ASIC2: variants seen among roughly 807,000 people sequenced by gnomAD.
ASIC2 encodes the protein acid-sensing ion channel 2.
A neutral mutation model predicts 57.3 loss-of-function variants in ASIC2; 25 were observed. That is an observed-to-expected ratio of 0.44 (90% CI 0.32 to 0.61). The LOEUF (loss-of-function observed/expected upper bound fraction) is 0.61. Among genes scored for constraint, ASIC2 ranks in the 20% least tolerant of loss-of-function variants. ASIC2 has a pLI of 0.06. For missense variants in ASIC2, 641 were observed against 738.1 expected, an observed-to-expected ratio of 0.87 and a Z score of 1.52; for synonymous variants, 319 against 307.5, an observed-to-expected ratio of 1.04 and a Z score of -0.39.
intron 1 of ASIC2, among the ~76,000 whole-genome samples, chr17:34,021,878 C>G (rs563522733): frequency 8.4e-5 from 12 of 143,372 alleles, no homozygotes; most frequent in South Asian, 2.3e-4. Context: ...AGCTCTGTCA[C>G]CCGGGCTGGA....
chr17:33,510,647 A>G (rs1459406719), intron 1 of ASIC2, among the ~76,000 whole-genome samples: 1 of 152,110 alleles, frequency 6.6e-6, no homozygotes, highest in Non-Finnish European at 1.5e-5. Flanking sequence ...AAAACTAAAC[A>G]TTAAATTTTT....
At chr17:33,464,476 TTTTCTCTCTTTCTTTC>T (rs1377881363) in intron 1 of ASIC2, among the ~76,000 whole-genome samples, 88 of 71,952 alleles carry the variant, frequency 1.2e-3, no homozygotes, top group East Asian at 5.6e-3. Context: ...TCTTTCTTTC[TTTTCTCTCTTTCTTTC>T]TTTCTTTCTT....
chr17:34,037,016 C>A (rs924843833), intron 1 of ASIC2: 11 of 152,532 alleles, frequency 7.2e-5, no homozygotes, highest in African/African-American at 2.2e-4. Context: ...CAAATGTATT[C>A]TTTCAAAAAT....
At chr17:33,772,289 A>G (rs1911136194) in intron 1 of ASIC2, among the ~76,000 whole-genome samples, 2 of 152,236 alleles carry the variant, frequency 1.3e-5, no homozygotes, top group Admixed American at 6.5e-5. Flanking sequence ...GGAAGAATCT[A>G]GACAGGCCAG....
chr17:33,220,914 A>G (rs1907664734), intron 1 of ASIC2, among the ~76,000 whole-genome samples: 1 of 152,138 alleles, frequency 6.6e-6, no homozygotes, highest in Admixed American at 6.5e-5. Flanking sequence ...AAAACAAAAA[A>G]TTCAAAAATT....
At chr17:34,041,875 C>A (rs1198923133) in intron 1 of ASIC2, among the ~76,000 whole-genome samples, 1 of 152,164 alleles carries the variant, frequency 6.6e-6, no homozygotes. Context: ...CTGTGGAGTA[C>A]CCTTTAGTAA....
chr17:33,091,407 A>T (rs569671866), intron 2 of ASIC2, among the ~76,000 whole-genome samples: 1 of 152,278 alleles, frequency 6.6e-6, no homozygotes, highest in African/African-American at 2.4e-5. Flanking sequence ...GTGGGAGGGA[A>T]CAGGAGAGAT....
At chr17:33,898,428 G>A (rs1915157608) in intron 1 of ASIC2, among the ~76,000 whole-genome samples, 1 of 151,436 alleles carries the variant, frequency 6.6e-6, no homozygotes, top group Non-Finnish European at 1.5e-5. Flanking sequence ...AGTAGAGACG[G>A]GGTTTCACCA....
At chr17:33,536,087 C>A (rs1369448367) in intron 1 of ASIC2, among the ~76,000 whole-genome samples, 1 of 152,164 alleles carries the variant, frequency 6.6e-6, no homozygotes, top group Non-Finnish European at 1.5e-5. Flanking sequence ...ATTCCCTAGC[C>A]CAAGAGCAAA....
chr17:33,216,953 G>C (rs936942000), intron 1 of ASIC2, among the ~76,000 whole-genome samples: 2 of 152,118 alleles, frequency 1.3e-5, no homozygotes, highest in Admixed American at 6.5e-5. Context: ...AGTTGGGAGG[G>C]AGATTTAGGT....
intron 1 of ASIC2, among the ~76,000 whole-genome samples, chr17:33,831,599 AT>A (rs1301655882): frequency 6.7e-6 from 1 of 148,206 alleles, no homozygotes; most frequent in Non-Finnish European, 1.5e-5. Flanking sequence ...AAAAAAAAAA[AT>A]AGAGTCCTGC....
At chr17:34,152,384 A>G (rs1904559899) in intron 1 of ASIC2, among the ~76,000 whole-genome samples, 1 of 152,188 alleles carries the variant, frequency 6.6e-6, no homozygotes, top group Non-Finnish European at 1.5e-5. Flanking sequence ...TCCTGGACAC[A>G]AGCAGTAGGG....
chr17:33,959,307 C>T (rs1384172786), intron 1 of ASIC2, among the ~76,000 whole-genome samples: 1 of 152,190 alleles, frequency 6.6e-6, no homozygotes, highest in African/African-American at 2.4e-5. Context: ...TTTACAGTAG[C>T]ACCCTACTCC....
chr17:33,845,823 T>A (rs1331900841), intron 1 of ASIC2, among the ~76,000 whole-genome samples: 1 of 152,180 alleles, frequency 6.6e-6, no homozygotes, highest in Non-Finnish European at 1.5e-5. Flanking sequence ...AAGAGGTGTT[T>A]ATAAATACCT....
intron 1 of ASIC2, among the ~76,000 whole-genome samples, chr17:33,586,875 C>A (rs1206913291): frequency 3.9e-5 from 6 of 152,240 alleles, no homozygotes; most frequent in Admixed American, 3.9e-4. Context: ...TTATACACCT[C>A]TCTGAGCAGT....
intron 1 of ASIC2, among the ~76,000 whole-genome samples, chr17:33,414,593 C>G (rs577060488): frequency 2.6e-5 from 4 of 152,148 alleles, no homozygotes; most frequent in African/African-American, 7.2e-5. Flanking sequence ...TCTCAGTTAC[C>G]GCTAGGCTCA....
rs555174126 is a variant in ASIC2 at position 33,950,169 on chromosome 17, C to T, written c.555+205809G>A. Among the ~76,000 whole-genome samples, 5 of 152,308 alleles carry T rather than the reference C, an allele frequency of 3.3e-5. No individual in the cohort carries two copies. In the South Asian group the frequency reaches 8.3e-4, roughly 25 times the overall value. On this transcript the variant is annotated intron_variant, in intron 1 of 9. Coordinates refer to the ASIC2 transcript ENST00000359872. ...TTCAGGGTCATTGTCTCTAATCAGGCGCTTTTGCTGCGTGGCCTTCCTGGG... is the reference window on the plus strand; with the variant it reads ...TTCAGGGTCATTGTCTCTAATCAGGTGCTTTTGCTGCGTGGCCTTCCTGGG...
In ASIC2 at chr17:33,291,936, C is replaced by A; in HGVS notation, c.180G>T (p.Ser60=). 1 of 1,545,602 alleles carries A rather than the reference C, an allele frequency of 6.5e-7. No individual in the cohort carries two copies. ...GPGVARRGRP[S]LSRAKLHGLR... is the part of the protein sequence containing the mutation. ...GCCCGTGCAGTTTAGCGCGGCTCAG[C>A]GATGGCCGCCCCCTGCGGGCGACCC... is the stretch of plus-strand genomic sequence containing the variant. Residue 60 remains serine, a synonymous_variant, in exon 1 of 10, where the codon TCG becomes TCT. Transcript: ENST00000225823.
Position 33,589,035 on chromosome 17 carries a change from A to G in ASIC2, c.556-476968T>C, listed in dbSNP as rs138051418. ...TGGGATCACAGTTAATATCTATTTC[A>G]TTACTTAAATAAACATATACTATAC... On this transcript the variant is annotated intron_variant, in intron 1 of 9. Coordinates refer to the ASIC2 transcript ENST00000359872. Among the ~76,000 whole-genome samples the G allele has an allele frequency of 1.1e-3, 160 of 152,356 alleles. 3 individuals are homozygous for G. In the East Asian group the frequency reaches 0.023, roughly 22 times the overall value.
Sources: gnomAD v4.1 joint callset for allele counts (sites outside exome capture counted in the v4.1 genomes callset) on GRCh38, gnomAD v4.1.1 for gene constraint, MANE v1.5 for transcripts, NCBI Gene and HGNC (gene_info 2026-07-23, HGNC 2026-07-21) for gene names.